The following SIK3 variants were observed in gnomAD, a reference collection of about 807,000 sequenced individuals.
The protein encoded by SIK3 is SIK family kinase 3.
In SIK3, 28 loss-of-function variants were observed where a neutral mutation model predicts 144.2. The observed-to-expected ratio is 0.19, with a 90% confidence interval of 0.14 to 0.27. The LOEUF (loss-of-function observed/expected upper bound fraction) is 0.27. Ranked by LOEUF, SIK3 falls within the 10% of genes least tolerant of loss-of-function variation. The probability of loss-of-function intolerance (pLI) is 1.00; values close to 1 mark genes in which losing one functional copy is unlikely to be tolerated. For missense variants in SIK3, 1,319 were observed against 1,776.0 expected (o/e 0.74, Z 4.62); for synonymous variants, 686 against 676.3 (o/e 1.01, Z -0.22).
At position 116,867,511 on chromosome 11, in the gene SIK3, C is replaced by T. The variant is rs1423931610; in HGVS notation, c.1952+435G>A. On this transcript the variant is annotated intron_variant, in intron 15 of 24. Transcript: ENST00000445177. This position sits in a 1 kb window ranked among gnomAD's most constrained non-coding sequence, Gnocchi z 4.1. ...TCAGAAGGGGCTTTGTCTTCATTTC[C>T]AGGCTGGCGGTTCAATGGTAACACG... Among the ~76,000 whole-genome samples, 1 of 152,166 alleles carries T rather than the reference C, an allele frequency of 6.6e-6. No homozygotes were observed. Among genetic ancestry groups the T allele is most frequent in the African/African-American group, 2.4e-5 (1 of 41,424 alleles).
intron 3 of SIK3, among the ~76,000 whole-genome samples, chr11:116,945,741 A>G (rs1342853663): frequency 6.6e-6 from 1 of 152,170 alleles, no homozygotes; most frequent in Non-Finnish European, 1.5e-5. Flanking sequence ...CAGGTAATTG[A>G]GCATTGGTGG....
At chr11:116,965,750 T>TATAC (rs539158453) in intron 1 of SIK3, among the ~76,000 whole-genome samples, 5 of 18,792 alleles carry the variant, frequency 2.7e-4, no homozygotes, top group African/African-American at 6.6e-4. Flanking sequence ...TATATATATA[T>TATAC]ATATATATAT....
intron 1 of SIK3, among the ~76,000 whole-genome samples, chr11:117,065,641 ATTT>A (rs35013282): frequency 2.8e-3 from 416 of 146,376 alleles, no homozygotes; most frequent in African/African-American, 9.3e-3. Flanking sequence ...TCATAAATTG[ATTT>A]TTTTTTTTTT....
intron 6 of SIK3, among the ~76,000 whole-genome samples, chr11:116,885,334 C>T (rs574669359): frequency 9.9e-5 from 15 of 152,052 alleles, no homozygotes; most frequent in South Asian, 4.2e-4. Context: ...AGGTTTTGAC[C>T]CATGTATATC....
rs770323023 is a variant in SIK3 at position 116,998,350 on chromosome 11, A to G, written c.274-41286T>C. Among the ~76,000 whole-genome samples, 9 of 151,980 alleles carry G rather than the reference A, an allele frequency of 5.9e-5. 1 individual carries two copies. The highest frequency in any genetic ancestry group is 1.0e-4 in the Non-Finnish European group (7 of 68,006). ...GCCAGGCATGGTGGCGCACGCCTGT[A>G]GTCCCAGCTACTCAGGAGGCTGAGG... On this transcript the variant is annotated intron_variant, in intron 1 of 24. Transcript: ENST00000445177.
At chr11:116,931,146 A>G (rs1483639103) in intron 3 of SIK3, among the ~76,000 whole-genome samples, 1 of 152,222 alleles carries the variant, frequency 6.6e-6, no homozygotes, top group Non-Finnish European at 1.5e-5. Context: ...AAATGAAAAG[A>G]AGTAAGTGAC....
chr11:116,952,999 A>G (rs759160898), intron 3 of SIK3, among the ~76,000 whole-genome samples: 7 of 152,194 alleles, frequency 4.6e-5, no homozygotes, highest in Non-Finnish European at 8.8e-5. Flanking sequence ...TAAATATAAA[A>G]TTAAGAAATA....
chr11:117,030,975 T>C (rs1438988564), intron 1 of SIK3, among the ~76,000 whole-genome samples: 1 of 152,228 alleles, frequency 6.6e-6, no homozygotes, highest in Non-Finnish European at 1.5e-5. Context: ...TTCCTTAACA[T>C]CTTTTGCTGT....
intron 14 of SIK3, chr11:116,869,635 C>T (rs1434621699): frequency 6.6e-6 from 1 of 152,450 alleles, no homozygotes; most frequent in Non-Finnish European, 1.5e-5. Context: ...AAACCCCCTC[C>T]CCGGATAATA....
chr11:116,962,362 G>A (rs1026489687), intron 1 of SIK3, among the ~76,000 whole-genome samples: 3 of 152,222 alleles, frequency 2.0e-5, no homozygotes, highest in Non-Finnish European at 4.4e-5. Flanking sequence ...CTGGTATGCA[G>A]ATGAACATAC....
chr11:116,927,437 A>T, intron 3 of SIK3, 57 bp from the exon 4 acceptor site: 1 of 1,569,214 alleles, frequency 6.4e-7, no homozygotes, highest in Admixed American at 1.8e-5. Context: ...TAATTTCAAA[A>T]GGTAGACTTA....
intron 1 of SIK3, among the ~76,000 whole-genome samples, chr11:117,055,721 C>T (rs573788162): frequency 9.8e-5 from 15 of 152,354 alleles, no homozygotes; most frequent in African/African-American, 3.1e-4. Flanking sequence ...TCAGATGTTG[C>T]CAACGTGATG....
At chr11:116,956,476 G>A (rs565364484) in intron 2 of SIK3, among the ~76,000 whole-genome samples, 1 of 152,204 alleles carries the variant, frequency 6.6e-6, no homozygotes, top group South Asian at 2.1e-4. Flanking sequence ...GGTAGGTTTT[G>A]ATTGATCCAA....
At chr11:116,933,803 T>A (rs1947758013) in intron 3 of SIK3, among the ~76,000 whole-genome samples, 1 of 152,174 alleles carries the variant, frequency 6.6e-6, no homozygotes, top group African/African-American at 2.4e-5. Context: ...TAAGATCACA[T>A]CATTTTTTTC....
At chr11:117,088,930 C>A (rs1955127987) in intron 1 of SIK3, among the ~76,000 whole-genome samples, 1 of 152,230 alleles carries the variant, frequency 6.6e-6, no homozygotes, top group East Asian at 1.9e-4. Flanking sequence ...GATCCTCCTG[C>A]CTCAGCCTCC....
chr11:116,942,008 G>A (rs937576075), intron 3 of SIK3, among the ~76,000 whole-genome samples: 1 of 152,130 alleles, frequency 6.6e-6, no homozygotes, highest in African/African-American at 2.4e-5. Context: ...TAAGTCAATT[G>A]AATGAGTAGT....
At chr11:117,028,391 T>C (rs1296879594) in intron 1 of SIK3, among the ~76,000 whole-genome samples, 1 of 152,074 alleles carries the variant, frequency 6.6e-6, no homozygotes, top group Non-Finnish European at 1.5e-5. Flanking sequence ...CAGTTCCTGC[T>C]CTAGGCGGTA....
intron 3 of SIK3, among the ~76,000 whole-genome samples, chr11:116,942,469 T>C (rs1948366394): frequency 6.6e-6 from 1 of 151,808 alleles, no homozygotes; most frequent in Non-Finnish European, 1.5e-5. Flanking sequence ...CTCAAGACAG[T>C]AAAAAAACAA....
chr11:116,975,579 T>C (rs1013381648), intron 1 of SIK3, among the ~76,000 whole-genome samples: 18 of 152,240 alleles, frequency 1.2e-4, no homozygotes, highest in African/African-American at 4.1e-4. Flanking sequence ...TTCCATTGTA[T>C]GGATATATTA....
Sources: gnomAD v4.1 joint callset for allele counts (sites outside exome capture counted in the v4.1 genomes callset) on GRCh38, gnomAD v4.1.1 for gene constraint, Gnocchi (gnomAD v3.1) non-coding constraint, MANE v1.5 for transcripts, NCBI Gene and HGNC (gene_info 2026-07-23, HGNC 2026-07-21) for gene names.